The following PLD5 variants were observed in gnomAD, a reference collection of about 807,000 sequenced individuals.
PLD5 encodes the protein inactive phospholipase D5.
PLD5 carries 36 observed loss-of-function variants against 61.1 expected under a neutral mutation model. The ratio of observed to expected loss-of-function variants is 0.59; its 90% CI spans 0.45 to 0.78. The LOEUF (loss-of-function observed/expected upper bound fraction) is 0.78, where lower values mean the gene tolerates loss of function less well. PLD5 is among the 30% of genes least tolerant of loss of function. PLD5 has a pLI of 0.00. For missense variants in PLD5, 515 were observed against 644.4 expected (o/e 0.80, Z 2.17); for synonymous variants, 243 against 242.8 (o/e 1.00, Z -0.01).
intron 1 of PLD5, among the ~76,000 whole-genome samples, chr1:242,398,932 A>C (rs1306803951): frequency 6.6e-6 from 1 of 152,192 alleles, no homozygotes; most frequent in African/African-American, 2.4e-5. Flanking sequence ...AAATTCTAAC[A>C]GGAGAGCTAG....
chr1:242,225,703 G>C (rs1670899092), intron 4 of PLD5, among the ~76,000 whole-genome samples: 1 of 152,248 alleles, frequency 6.6e-6, no homozygotes, highest in Non-Finnish European at 1.5e-5. Flanking sequence ...GTGTGGAACA[G>C]TGGTTTGTTT....
rs571821984 is a variant in PLD5, at chr1:242,269,377, C to G, written c.496-3929G>C. ...GAGTCGTATGCAGGAAGCTGTACCCCCAAAATAGAGATCCAGCTCAGCCCC... is the reference window on the plus strand; with the variant it reads ...GAGTCGTATGCAGGAAGCTGTACCCGCAAAATAGAGATCCAGCTCAGCCCC... On this transcript the variant is annotated intron_variant, in intron 3 of 9. Transcript: ENST00000536534. Among the ~76,000 whole-genome samples, 1,199 of 151,684 alleles carry G rather than the reference C, an allele frequency of 7.9e-3. 4 individuals are homozygous for G. The highest frequency in any genetic ancestry group is 0.014 in the Non-Finnish European group (940 of 67,920).
chr1:242,512,145 T>G (rs61306290), intron 1 of PLD5, among the ~76,000 whole-genome samples: 2 of 151,398 alleles, frequency 1.3e-5, no homozygotes, highest in South Asian at 4.2e-4. Flanking sequence ...GGTGCGGTGG[T>G]TCACGCCTGT....
intron 5 of PLD5, among the ~76,000 whole-genome samples, chr1:242,180,661 A>G (rs1667460543): frequency 6.6e-6 from 1 of 152,150 alleles, no homozygotes; most frequent in Non-Finnish European, 1.5e-5. Flanking sequence ...GTTTCTATTT[A>G]ATAGGTCTGT....
At chr1:242,519,147 G>GT (rs1436801167) in intron 1 of PLD5, among the ~76,000 whole-genome samples, 1 of 152,186 alleles carries the variant, frequency 6.6e-6, no homozygotes, top group African/African-American at 2.4e-5. Context: ...ATTCCCTTAG[G>GT]TTGAACTCTG....
At chr1:242,353,780 T>A (rs1660602263) in intron 1 of PLD5, among the ~76,000 whole-genome samples, 1 of 152,152 alleles carries the variant, frequency 6.6e-6, no homozygotes, top group African/African-American at 2.4e-5. Flanking sequence ...TATATTTGTG[T>A]CTTCAATTTT....
intron 2 of PLD5, among the ~76,000 whole-genome samples, chr1:242,299,855 A>T (rs1675926398): frequency 6.6e-6 from 1 of 152,254 alleles, no homozygotes; most frequent in Non-Finnish European, 1.5e-5. Context: ...ATTGATATTT[A>T]TGGAATGCCA....
chr1:242,332,785 CTT>C (rs1659264626), intron 2 of PLD5, among the ~76,000 whole-genome samples: 3 of 152,272 alleles, frequency 2.0e-5, no homozygotes, highest in South Asian at 4.1e-4. Flanking sequence ...TTTTCAATGA[CTT>C]TGTGATACTA....
intron 2 of PLD5, among the ~76,000 whole-genome samples, chr1:242,328,217 C>A (rs1658917113): frequency 6.6e-6 from 1 of 152,156 alleles, no homozygotes; most frequent in Admixed American, 6.5e-5. Context: ...TGATTCTCCA[C>A]AGGACACAAC....
At chr1:242,360,877 G>A (rs971544778) in intron 1 of PLD5, among the ~76,000 whole-genome samples, 1 of 152,012 alleles carries the variant, frequency 6.6e-6, no homozygotes, top group Non-Finnish European at 1.5e-5. Flanking sequence ...TTTCAGCAAG[G>A]TTTAAAGTAA....
At chr1:242,254,721 C>T (rs1672921582) in intron 4 of PLD5, among the ~76,000 whole-genome samples, 1 of 152,186 alleles carries the variant, frequency 6.6e-6, no homozygotes, top group African/African-American at 2.4e-5. Context: ...AAGTGCCGGC[C>T]TATGGTTACA....
intron 1 of PLD5, among the ~76,000 whole-genome samples, chr1:242,440,025 A>G (rs1023495803): frequency 6.6e-6 from 1 of 152,170 alleles, no homozygotes; most frequent in Non-Finnish European, 1.5e-5. Context: ...ATATATTTCA[A>G]TCCTTTAAAT....
chr1:242,279,307 C>G (rs539355706), intron 3 of PLD5, among the ~76,000 whole-genome samples: 121 of 152,292 alleles, frequency 7.9e-4, no homozygotes, highest in Non-Finnish European at 1.5e-3. Flanking sequence ...TGGTTTAAAA[C>G]AGTGATTCTC....
At chr1:242,194,424 T>C (rs1339910638) in intron 5 of PLD5, among the ~76,000 whole-genome samples, 1 of 152,170 alleles carries the variant, frequency 6.6e-6, no homozygotes, top group African/African-American at 2.4e-5. Flanking sequence ...GCTGGGTATC[T>C]ACCCAGAGGA....
At chr1:242,265,804 G>A (rs1382229666) in intron 3 of PLD5, among the ~76,000 whole-genome samples, 2 of 152,162 alleles carry the variant, frequency 1.3e-5, no homozygotes, top group Admixed American at 1.3e-4. Context: ...AAAGAGACCT[G>A]GATTCCAGCT....
chr1:242,291,088 C>T (rs1675335109), intron 2 of PLD5, among the ~76,000 whole-genome samples: 2 of 152,086 alleles, frequency 1.3e-5, no homozygotes, highest in African/African-American at 4.8e-5. Flanking sequence ...TATTTGTCAT[C>T]TTTACTTCCT....
At chr1:242,304,260 A>G (rs572854799) in intron 2 of PLD5, among the ~76,000 whole-genome samples, 4 of 152,372 alleles carry the variant, frequency 2.6e-5, no homozygotes, top group South Asian at 2.1e-4. Flanking sequence ...ACTGTAAATC[A>G]TAAGTTTTCT....
intron 8 of PLD5, among the ~76,000 whole-genome samples, chr1:242,103,146 C>T (rs1660809354): frequency 6.6e-6 from 1 of 152,122 alleles, no homozygotes. Context: ...AGACTGTCCT[C>T]TCTGTTCCTG....
intron 1 of PLD5, among the ~76,000 whole-genome samples, chr1:242,417,902 C>T (rs2149295208): frequency 6.6e-6 from 1 of 152,208 alleles, no homozygotes; most frequent in Non-Finnish European, 1.5e-5. Flanking sequence ...AAGCTTTACC[C>T]CAAGTGAAAT....
Sources: gnomAD v4.1 joint callset for allele counts (sites outside exome capture counted in the v4.1 genomes callset) on GRCh38, gnomAD v4.1.1 for gene constraint, MANE v1.5 for transcripts, NCBI Gene and HGNC (gene_info 2026-07-23, HGNC 2026-07-21) for gene names.